The following TNFAIP8 variants were observed in gnomAD, a reference collection of about 807,000 sequenced individuals.
TNFAIP8 encodes TNF alpha induced protein 8, also known as tumor necrosis factor alpha-induced protein 8.
In TNFAIP8, 7 loss-of-function variants were observed where a neutral mutation model predicts 13.3. The observed-to-expected ratio is 0.52, with a 90% CI of 0.30 to 0.99. TNFAIP8 has a LOEUF of 0.99. Ranked by LOEUF, TNFAIP8 falls within the 50% of genes least tolerant of loss-of-function variation. The pLI, the probability that TNFAIP8 is intolerant of heterozygous loss-of-function variation, is 0.07. For synonymous variants in TNFAIP8, 94 were observed against 87.6 expected, an observed-to-expected ratio of 1.07 and a Z score of -0.41; for missense variants, 258 against 236.9, an observed-to-expected ratio of 1.09 and a Z score of -0.58.
chr5:119,272,117 G>A (rs1020242296), intron 1 of TNFAIP8, among the ~76,000 whole-genome samples: 1 of 152,212 alleles, frequency 6.6e-6, no homozygotes, highest in Non-Finnish European at 1.5e-5. Flanking sequence ...ATTTTGGCCT[G>A]AAGAGGAGGA....
At chr5:119,353,622 C>G (rs998620049), upstream of TNFAIP8, among the ~76,000 whole-genome samples, 1 of 145,076 alleles carries the variant, frequency 6.9e-6, no homozygotes, top group East Asian at 2.0e-4. Flanking sequence ...CAAAGATCAA[C>G]GAAGCTAACA....
At chr5:119,307,452 G>A (rs1223097933) in intron 1 of TNFAIP8, among the ~76,000 whole-genome samples, 2 of 152,126 alleles carry the variant, frequency 1.3e-5, no homozygotes, top group African/African-American at 4.8e-5. Context: ...TAGCTTCTGT[G>A]TTTTTCAGTG....
Position 119,356,040 on chromosome 5 carries a change from TC to T in TNFAIP8, c.-49del. ...CGCTGCAGAGCGAACTTGCGGCTCGTCCGAGTACATGTGAGCGGTAATCGCC... is the reference window on the plus strand; with the variant it reads ...CGCTGCAGAGCGAACTTGCGGCTCGTCGAGTACATGTGAGCGGTAATCGCC... On this transcript the variant is annotated 5_prime_UTR_variant, in exon 1 of 2. Coordinates refer to ENST00000504771, the MANE Select transcript of TNFAIP8 (RefSeq NM_014350.4). 4 of 1,547,126 alleles carry T rather than the reference TC, an allele frequency of 2.6e-6. No individual in the cohort carries two copies. Among genetic ancestry groups the T allele is most frequent in the Non-Finnish European group, 2.6e-6 (3 of 1,143,688 alleles).
chr5:119,391,759 CAA>C lies in TNFAIP8; in HGVS notation c.32-1039_32-1038del, dbSNP rs1189646198. On this transcript the variant is annotated intron_variant, in intron 1 of 1. Transcript: ENST00000504771. ...GGGCAAAAAGAGTGAAACTCCGTCT[CAA>C]AAAAAAAAAAAAAAAAAGATTGCTA... Among the ~76,000 whole-genome samples the C allele has an allele frequency of 8.5e-3, 672 of 79,456 alleles. 7 individuals carry two copies. The highest frequency in any genetic ancestry group is 0.028 in the African/African-American group (591 of 20,742). 52.1% of individuals were successfully genotyped at this position (79,456 alleles called of 152,430 possible).
rs184509355 is a variant in TNFAIP8, at chr5:119,379,357, A to G, written c.32-13459A>G. ...ACTTGTCAAGGATTCTAAATAGATA[A>G]GAGAGGAATTTAACTCTTTCACAAG... On this transcript the variant is annotated intron_variant, in intron 1 of 1. Transcript: ENST00000504771. 1.5e-4 allele frequency among the ~76,000 whole-genome samples: 23 copies of G among 152,324 alleles called. 1 individual carries two copies. The highest frequency in any genetic ancestry group is 3.8e-4 in the African/African-American group (16 of 41,568).
chr5:119,384,664 C>A (rs146959501), intron 1 of TNFAIP8, among the ~76,000 whole-genome samples: 1 of 152,126 alleles, frequency 6.6e-6, no homozygotes, highest in Non-Finnish European at 1.5e-5. Flanking sequence ...TGGGTAACCA[C>A]AAAATTCATT....
At chr5:119,286,795 G>A (rs1047458614) in intron 1 of TNFAIP8, among the ~76,000 whole-genome samples, 4 of 152,140 alleles carry the variant, frequency 2.6e-5, no homozygotes, top group African/African-American at 9.7e-5. Context: ...GAAACTGTAT[G>A]CAACTTCCTC....
At chr5:119,303,610 G>T (rs1358668802) in intron 1 of TNFAIP8, among the ~76,000 whole-genome samples, 1 of 152,180 alleles carries the variant, frequency 6.6e-6, no homozygotes, top group Non-Finnish European at 1.5e-5. Context: ...AACCGGAAAG[G>T]TTGAATGCTT....
chr5:119,272,949 C>T (rs932831868), intron 1 of TNFAIP8, among the ~76,000 whole-genome samples: 2 of 152,202 alleles, frequency 1.3e-5, no homozygotes, highest in Admixed American at 1.3e-4. Flanking sequence ...ATTGAGACTC[C>T]AGGCTAACTC....
Position 119,333,053 on chromosome 5 carries a change from T to A in TNFAIP8, c.2-59763T>A, listed in dbSNP as rs554255662. 4.7e-4 allele frequency: 128 copies of A among 269,942 alleles called. 1 individual carries two copies. The South Asian group carries it at 0.017, about 37-fold the overall frequency. The allele number at this position is 269,942 out of a possible 1,614,324, so 16.7% of individuals were successfully genotyped here. A position where few individuals can be genotyped will look rare whatever the true frequency, so the allele number is the denominator to read the frequency against. ...ACAGGTAGGAATGAGGTGTTTTTTT[T>A]ATTTTCTTTTTTTCAGGCATCTGTG... On this transcript the variant is annotated intron_variant, in intron 1 of 1. Coordinates refer to the TNFAIP8 transcript ENST00000274456.
At chr5:119,335,432 GCAGTGCTTGGGAGGTTC>G (rs1750522252) in intron 1 of TNFAIP8, among the ~76,000 whole-genome samples, 1 of 152,136 alleles carries the variant, frequency 6.6e-6, no homozygotes, top group South Asian at 2.1e-4. Context: ...CGAGCAGGAA[GCAGTGCTTGGGAGGTTC>G]TGCAGTGGAG....
chr5:119,360,681 G>A (rs922049087), intron 1 of TNFAIP8, among the ~76,000 whole-genome samples: 1 of 152,088 alleles, frequency 6.6e-6, no homozygotes, highest in African/African-American at 2.4e-5. Context: ...TGCAAGCAAG[G>A]ATTTTTGCAA....
At chr5:119,388,143 C>T (rs115986329) in intron 1 of TNFAIP8, among the ~76,000 whole-genome samples, 2 of 152,298 alleles carry the variant, frequency 1.3e-5, no homozygotes, top group Non-Finnish European at 2.9e-5. Context: ...CAGAACTACA[C>T]CTTGCTTTTA....
intron 1 of TNFAIP8, among the ~76,000 whole-genome samples, chr5:119,308,906 T>G (rs1170048013): frequency 6.6e-6 from 1 of 151,694 alleles, no homozygotes; most frequent in Non-Finnish European, 1.5e-5. Context: ...GAAGAGCATC[T>G]GAGCCAGCGT....
At chr5:119,275,061 T>A (rs964692670) in intron 1 of TNFAIP8, among the ~76,000 whole-genome samples, 1 of 149,234 alleles carries the variant, frequency 6.7e-6, no homozygotes, top group Non-Finnish European at 1.5e-5. Context: ...AAGTACAGAG[T>A]GGCTTTAAAG....
intron 1 of TNFAIP8, among the ~76,000 whole-genome samples, chr5:119,336,975 C>T (rs1750571704): frequency 6.6e-6 from 1 of 152,170 alleles, no homozygotes; most frequent in Non-Finnish European, 1.5e-5. Flanking sequence ...ATCTTATGAC[C>T]ATTGTCCTCT....
At chr5:119,310,591 T>G (rs1203328174) in intron 1 of TNFAIP8, among the ~76,000 whole-genome samples, 1 of 152,108 alleles carries the variant, frequency 6.6e-6, no homozygotes, top group Non-Finnish European at 1.5e-5. Context: ...TCCCAGCACT[T>G]TGGGAGGCCG....
At position 119,383,130 on chromosome 5, in the gene TNFAIP8, G is replaced by A. The variant is rs530593806; in HGVS notation, c.32-9686G>A. Among the ~76,000 whole-genome samples, 4 of 152,316 alleles carry A rather than the reference G, an allele frequency of 2.6e-5. No homozygotes were observed. In the South Asian group the frequency reaches 8.3e-4, roughly 32 times the overall value. ...CCCCATAAGACTCTTTTAGCTTATT[G>A]AAGAATTAAGGTTTTGTTTTTTTAA... On this transcript the variant is annotated intron_variant, in intron 1 of 1. Transcript: ENST00000504771.
Position 119,303,348 on chromosome 5 carries a change from A to G in TNFAIP8, c.1+34441A>G, listed in dbSNP as rs151179981. On this transcript the variant is annotated intron_variant, in intron 1 of 1. Coordinates refer to the TNFAIP8 transcript ENST00000274456. The stretch of plus-strand genomic sequence containing the variant: ...CCCAGTTAATGTTTTGCCACTGACA[A>G]CATGTTATGCAGAAGGTGTTTCACC... Among the ~76,000 whole-genome samples, 392 of 152,308 alleles carry G rather than the reference A, an allele frequency of 2.6e-3. 1 individual carries two copies. Among genetic ancestry groups the G allele is most frequent in the African/African-American group, 8.9e-3 (370 of 41,560 alleles).
Sources: gnomAD v4.1 joint callset for allele counts (sites outside exome capture counted in the v4.1 genomes callset) on GRCh38, gnomAD v4.1.1 for gene constraint, MANE v1.5 for transcripts, NCBI Gene and HGNC (gene_info 2026-07-23, HGNC 2026-07-21) for gene names.